Variants in CCDC60 observed in about 807,000 individuals in gnomAD.
CCDC60 encodes coiled-coil domain-containing protein 60.
CCDC60 carries 54 observed loss-of-function variants against 63.5 expected under a neutral mutation model. The observed-to-expected ratio is 0.85, with a 90% CI of 0.68 to 1.07. The LOEUF (loss-of-function observed/expected upper bound fraction) is 1.07. Among genes scored for constraint, CCDC60 ranks in the 50% least tolerant of loss-of-function variants. The probability of loss-of-function intolerance (pLI) is 0.00; values close to 1 mark genes in which losing one functional copy is unlikely to be tolerated. For missense variants in CCDC60, 651 were observed against 684.3 expected, an observed-to-expected ratio of 0.95 and a Z score of 0.54; for synonymous variants, 206 against 238.8, an observed-to-expected ratio of 0.86 and a Z score of 1.27.
rs144197071 is a variant in CCDC60 at position 119,374,027 on chromosome 12, G to A, written c.90+38761G>A. Reference sequence around the variant, plus strand: ...TGCTCCTGACAGAACACCAGCTCTTGCCCAGGGGCTGAGTAGTAGGAAGCC... The same window carrying A: ...TGCTCCTGACAGAACACCAGCTCTTACCCAGGGGCTGAGTAGTAGGAAGCC... On this transcript the variant is annotated intron_variant, in intron 1 of 13. Transcript: ENST00000327554. 2.1e-4 allele frequency among the ~76,000 whole-genome samples: 32 copies of A among 151,194 alleles called. No individual in the cohort carries two copies. In the East Asian group the frequency reaches 3.1e-3, roughly 15 times the overall value.
rs1261104321 is a variant in CCDC60 at position 119,456,066 on chromosome 12, AGCAAGCAT to A, written c.171-15926_171-15919del. ...AAGAAAGAAAGAAAGAAAGAAAGCA[AGCAAGCAT>A]GTGCAATTTCAAGGGGGTAGAGAGA... On this transcript the variant is annotated intron_variant, in intron 2 of 13. Transcript: ENST00000327554. The surrounding 1 kb of genome is among the most constrained non-coding windows in gnomAD (Gnocchi z 4.6). 1.1e-4 allele frequency among the ~76,000 whole-genome samples: 10 copies of A among 95,046 alleles called. No individual in the cohort carries two copies. The highest frequency in any genetic ancestry group is 4.3e-4 in the African/African-American group (10 of 23,436). 62.4% of individuals were successfully genotyped at this position (95,046 alleles called of 152,430 possible).
chr12:119,386,185 G>A (rs1036026863), intron 1 of CCDC60, among the ~76,000 whole-genome samples: 3 of 152,072 alleles, frequency 2.0e-5, no homozygotes, highest in African/African-American at 7.2e-5. Flanking sequence ...CTTGCAGCTC[G>A]GCTGTTGGAA....
chr12:119,382,323 G>T (rs1286334026), intron 1 of CCDC60, among the ~76,000 whole-genome samples: 1 of 152,178 alleles, frequency 6.6e-6, no homozygotes. Context: ...TTGGCCTGAT[G>T]CTCGGCTGTG....
chr12:119,446,651 T>C (rs1481722134), intron 2 of CCDC60, among the ~76,000 whole-genome samples: 3 of 152,036 alleles, frequency 2.0e-5, no homozygotes, highest in African/African-American at 7.2e-5. Context: ...ACAGGCCAAA[T>C]TATGAGTCAG....
chr12:119,468,552 T>C (rs1485939373), intron 2 of CCDC60, among the ~76,000 whole-genome samples: 1 of 152,136 alleles, frequency 6.6e-6, no homozygotes, highest in Non-Finnish European at 1.5e-5. Flanking sequence ...AGAAGCAGGA[T>C]TTAAATTTAG....
At chr12:119,519,465 ATATT>A (rs1742351666) in intron 8 of CCDC60, among the ~76,000 whole-genome samples, 3 of 122,190 alleles carry the variant, frequency 2.5e-5, no homozygotes, top group African/African-American at 6.8e-5. Context: ...ATATATATAT[ATATT>A]TTTTTTTTTT....
At chr12:119,387,106 T>A (rs1290374004) in intron 1 of CCDC60, among the ~76,000 whole-genome samples, 1 of 148,264 alleles carries the variant, frequency 6.7e-6, no homozygotes, top group Non-Finnish European at 1.5e-5. Context: ...GCTCTTCCAC[T>A]TTCCAAACCC....
intron 1 of CCDC60, among the ~76,000 whole-genome samples, chr12:119,409,832 T>C (rs1956560705): frequency 1.3e-5 from 2 of 150,980 alleles, no homozygotes; most frequent in African/African-American, 4.9e-5. Context: ...TCTCTGTCTG[T>C]CTGCCTCTCT....
intron 13 of CCDC60, among the ~76,000 whole-genome samples, chr12:119,533,495 T>G (rs985275389): frequency 6.6e-6 from 1 of 152,250 alleles, no homozygotes; most frequent in Admixed American, 6.5e-5. Flanking sequence ...TCTTTGCCCA[T>G]GCCTATGTCC....
intron 1 of CCDC60, among the ~76,000 whole-genome samples, chr12:119,369,332 G>A (rs1468549350): frequency 6.6e-6 from 1 of 152,214 alleles, no homozygotes; most frequent in African/African-American, 2.4e-5. Context: ...GCCCAGAAAA[G>A]GGTGAACACT....
rs992898770 is a variant in CCDC60 at position 119,509,585 on chromosome 12, C to T, written c.883+4282C>T. Among the ~76,000 whole-genome samples, 6 of 152,288 alleles carry T rather than the reference C, an allele frequency of 3.9e-5. No individual in the cohort carries two copies. In the East Asian group the frequency reaches 1.2e-3, roughly 29 times the overall value. The stretch of plus-strand genomic sequence containing the variant: ...TCACTCCCTATTGCCCCACTAATTG[C>T]TCTGGTTGGCTGAGTGTGTGACCAT... On this transcript the variant is annotated intron_variant, in intron 7 of 13. Transcript: ENST00000327554.
intron 4 of CCDC60, among the ~76,000 whole-genome samples, chr12:119,486,643 G>C (rs1951447085): frequency 6.6e-6 from 1 of 152,154 alleles, no homozygotes; most frequent in Non-Finnish European, 1.5e-5. Context: ...AGAAAGGAAA[G>C]AGAGTTTCTC....
intron 1 of CCDC60, among the ~76,000 whole-genome samples, chr12:119,340,131 A>G (rs1955517361): frequency 6.6e-6 from 1 of 152,126 alleles, no homozygotes; most frequent in Admixed American, 6.6e-5. Flanking sequence ...TTAAACTATC[A>G]CCTGTTTCAA....
intron 8 of CCDC60, among the ~76,000 whole-genome samples, chr12:119,519,426 TGTGTGTGTGC>T (rs1566058449): frequency 1.5e-4 from 20 of 137,830 alleles, no homozygotes; most frequent in African/African-American, 5.5e-4. Flanking sequence ...TGTGTGTGTG[TGTGTGTGTGC>T]GCGTGTGTGT....
At chr12:119,507,444 A>G (rs1952035577) in intron 7 of CCDC60, among the ~76,000 whole-genome samples, 2 of 146,754 alleles carry the variant, frequency 1.4e-5, no homozygotes, top group Admixed American at 6.9e-5. Context: ...ATATATACAC[A>G]TATATATACA....
chr12:119,365,169 TA>T (rs1955828691), intron 1 of CCDC60, among the ~76,000 whole-genome samples: 1 of 152,200 alleles, frequency 6.6e-6, no homozygotes, highest in African/African-American at 2.4e-5. Flanking sequence ...TTAGTGGTCA[TA>T]GCAGGATTCG....
intron 13 of CCDC60, among the ~76,000 whole-genome samples, chr12:119,539,169 G>A (rs1309204858): frequency 6.6e-6 from 1 of 152,230 alleles, no homozygotes; most frequent in Non-Finnish European, 1.5e-5. Flanking sequence ...AGACATGGCG[G>A]TCAGGGACCC....
intron 2 of CCDC60, among the ~76,000 whole-genome samples, chr12:119,458,519 G>C (rs1344526547): frequency 6.6e-6 from 1 of 152,050 alleles, no homozygotes; most frequent in Non-Finnish European, 1.5e-5. Flanking sequence ...ATAATAGAAA[G>C]GTTGAACATG....
chr12:119,403,449 C>T (rs568342689), intron 1 of CCDC60, among the ~76,000 whole-genome samples: 34 of 152,186 alleles, frequency 2.2e-4, no homozygotes, highest in Middle Eastern at 3.4e-3. Context: ...AGCATAACGT[C>T]GAGCTTTAAT....
Sources: allele counts gnomAD v4.1 joint callset (sites outside exome capture counted in the v4.1 genomes callset), GRCh38; gene constraint gnomAD v4.1.1; non-coding constraint Gnocchi (gnomAD v3.1); transcripts MANE v1.5; gene names NCBI Gene and HGNC (gene_info 2026-07-23, HGNC 2026-07-21).